Variants in CA8 observed in about 807,000 individuals in gnomAD.
CA8 encodes carbonic anhydrase-related protein.
CA8 carries 22 observed loss-of-function variants against 41.4 expected under a neutral mutation model. The ratio of observed to expected loss-of-function variants is 0.53; its 90% confidence interval spans 0.38 to 0.76. The LOEUF (loss-of-function observed/expected upper bound fraction) is 0.76, where lower values mean the gene tolerates loss of function less well. Ranked by LOEUF, CA8 falls within the 30% of genes least tolerant of loss-of-function variation. The pLI, the probability that CA8 is intolerant of heterozygous loss-of-function variation, is 0.00. For missense variants in CA8, 270 were observed against 352.8 expected (o/e 0.77, Z 1.88); for synonymous variants, 121 against 130.6 (o/e 0.93, Z 0.50).
chr8:60,201,322 A>G lies in CA8; in HGVS notation c.*35+7428T>C, dbSNP rs1585844735. 2.0e-5 allele frequency among the ~76,000 whole-genome samples: 3 copies of G among 152,336 alleles called. No homozygotes were observed. In the South Asian group the frequency reaches 6.2e-4, roughly 32 times the overall value. ...AATGAGTCATGTGTTGTTAGTGGTG[A>G]CAGGCTGTGAGAATGGATGAGTTCA... On this transcript the variant is annotated intron_variant, in intron 8 of 8. Coordinates refer to ENST00000317995, the MANE Select transcript of CA8 (RefSeq NM_004056.6).
intron 3 of CA8, among the ~76,000 whole-genome samples, chr8:60,253,508 T>G (rs942906071): frequency 2.0e-5 from 3 of 152,168 alleles, no homozygotes; most frequent in Non-Finnish European, 4.4e-5. Flanking sequence ...ACCTCTTCTT[T>G]TGCCATCCAC....
At position 60,188,985 on chromosome 8, in the gene CA8, CAAT is replaced by C. The variant is rs1296708608; in HGVS notation, c.*1033_*1035del. 1.3e-5 allele frequency: 2 copies of C among 152,046 alleles called. No individual in the cohort carries two copies. The highest frequency in any genetic ancestry group is 2.4e-5 in the African/African-American group (1 of 41,422). 9.4% of individuals were successfully genotyped at this position (152,046 alleles called of 1,614,324 possible). On this transcript the variant is annotated 3_prime_UTR_variant, in exon 9 of 9. Transcript: ENST00000317995. The stretch of plus-strand genomic sequence containing the variant: ...CATTTTACAATTATAACAACAATAA[CAAT>C]AATATTTATTGTTTGCTTTGTGCCA...
Position 60,208,789 on chromosome 8 carries a change from T to G in CA8, c.869A>C (p.Gln290Pro), listed in dbSNP as rs200111165. 41 of 1,614,178 alleles carry G rather than the reference T, an allele frequency of 2.5e-5. No individual in the cohort carries two copies. The highest frequency in any genetic ancestry group is 3.2e-5 in the Non-Finnish European group (38 of 1,180,034). Residue 290 changes from glutamine to proline, a missense_variant, in exon 8 of 9, where the codon CAG (glutamine) becomes CCG (proline). Gln to Pro is a moderately conservative substitution (Grantham distance 76). Coordinates refer to ENST00000317995, the MANE Select transcript of CA8 (RefSeq NM_004056.6). ...LSDRVIRAAFQ is the reference protein window; with the variant it reads ...LSDRVIRAAFP ...ACTTGTTCCTGTCCTCTTTGGCTAC[T>G]GAAATGCAGCTCTAATGACTCTGTC...
rs1012865656 is a variant in CA8 at position 60,253,991 on chromosome 8, C to T, written c.417+11934G>A. Among the ~76,000 whole-genome samples the T allele has an allele frequency of 4.6e-5, 7 of 152,178 alleles. No homozygotes were observed. The East Asian group carries it at 5.8e-4, about 13-fold the overall frequency. ...GAACTGTGGCCTAGATTATCTCTCA[C>T]GGTCATACCCTCAGCACCAGCCACA... is the stretch of plus-strand genomic sequence containing the variant. On this transcript the variant is annotated intron_variant, in intron 3 of 8. Coordinates refer to ENST00000317995, the MANE Select transcript of CA8 (RefSeq NM_004056.6).
intron 2 of CA8, among the ~76,000 whole-genome samples, chr8:60,274,986 T>C (rs922869501): frequency 6.6e-6 from 1 of 152,178 alleles, no homozygotes; most frequent in Admixed American, 6.5e-5. Flanking sequence ...TCAGGCATGA[T>C]GATGAGATCC....
intron 8 of CA8, among the ~76,000 whole-genome samples, chr8:60,205,053 A>T (rs1376420899): frequency 1.3e-5 from 2 of 152,208 alleles, no homozygotes; most frequent in African/African-American, 4.8e-5. Context: ...GGAAGAGTTC[A>T]ACAGTCAAGG....
intron 2 of CA8, among the ~76,000 whole-genome samples, chr8:60,272,027 G>A (rs1294541737): frequency 6.6e-6 from 1 of 152,186 alleles, no homozygotes. Context: ...ACCCTGGAAT[G>A]TGATGCTTGC....
At position 60,185,766 on chromosome 8, in the gene CA8, A is replaced by G. The variant is rs1805946724; in HGVS notation, c.*4255T>C. Among the ~76,000 whole-genome samples, 1 of 152,096 alleles carries G rather than the reference A, an allele frequency of 6.6e-6. No individual in the cohort carries two copies. The highest frequency in any genetic ancestry group is 1.5e-5 in the Non-Finnish European group (1 of 68,002). On this transcript the variant is annotated 3_prime_UTR_variant, in exon 9 of 9. Coordinates refer to ENST00000317995, the MANE Select transcript of CA8 (RefSeq NM_004056.6). ...AAACAAAAACTAAAGATTTGTCCCT[A>G]TCAGATTTGCCTTATATAAAAATAT... is the stretch of plus-strand genomic sequence containing the variant.
intron 7 of CA8, among the ~76,000 whole-genome samples, chr8:60,217,640 T>G (rs193171515): frequency 6.6e-6 from 1 of 152,198 alleles, no homozygotes; most frequent in Non-Finnish European, 1.5e-5. Context: ...ACTCTCAATA[T>G]GCAACCATAA....
At chr8:60,234,355 CAGA>C (rs1182676356) in intron 3 of CA8, among the ~76,000 whole-genome samples, 4 of 152,070 alleles carry the variant, frequency 2.6e-5, no homozygotes, top group Non-Finnish European at 4.4e-5. Flanking sequence ...GATCCCAGAA[CAGA>C]AGAAGGACAT....
chr8:60,238,933 T>G (rs554638628), intron 3 of CA8, among the ~76,000 whole-genome samples: 1 of 151,864 alleles, frequency 6.6e-6, no homozygotes, highest in East Asian at 1.9e-4. Context: ...AGATGGAGGC[T>G]GGAGATGCCA....
intron 7 of CA8, among the ~76,000 whole-genome samples, chr8:60,215,075 C>G (rs1475337005): frequency 6.6e-6 from 1 of 152,148 alleles, no homozygotes; most frequent in African/African-American, 2.4e-5. Context: ...CGTATTTGCA[C>G]AGATGGCACT....
In CA8 at chr8:60,281,081, C is replaced by T; in HGVS notation, c.67G>A (p.Glu23Lys). ...TAGCCCCACTCCACACCCTCCTCTTCTTCCTCCTCATCCTCTTCCTTCTCG... is the reference window on the plus strand; with the variant it reads ...TAGCCCCACTCCACACCCTCCTCTTTTTCCTCCTCATCCTCTTCCTTCTCG... ...FPEKEEDEEE[E>K]EEGVEWGYEE... Residue 23 changes from glutamate to lysine, a missense_variant, in exon 1 of 9, where the codon GAA (glutamate) becomes AAA (lysine). Around this residue, in one of 3 missense-constraint regions of CA8, gnomAD observed 123 missense variants for 136.8 expected, o/e 0.90. Coordinates refer to ENST00000317995, the MANE Select transcript of CA8 (RefSeq NM_004056.6). 6.2e-7 allele frequency: 1 copy of T among 1,611,014 alleles called. No individual in the cohort carries two copies. Among genetic ancestry groups the T allele is most frequent in the South Asian group, 1.1e-5 (1 of 90,778 alleles).
chr8:60,217,754 G>A (rs895384321), intron 7 of CA8, among the ~76,000 whole-genome samples: 10 of 152,132 alleles, frequency 6.6e-5, no homozygotes, highest in Non-Finnish European at 1.3e-4. Flanking sequence ...ATCCAGGGGA[G>A]GTCCAGTGAC....
Position 60,281,191 on chromosome 8 carries a change from G to C in CA8, c.-44C>G. ...CTCGGCGCTCTCGGCAGCAGTGCCT[G>C]CGCCTTCGCTGGGCGCGGGGCTGGA... is the stretch of plus-strand genomic sequence containing the variant. On this transcript the variant is annotated 5_prime_UTR_variant, in exon 1 of 9. Coordinates refer to ENST00000317995, the MANE Select transcript of CA8 (RefSeq NM_004056.6). 7.2e-7 allele frequency: 1 copy of C among 1,397,048 alleles called. No homozygotes were observed. Among genetic ancestry groups the C allele is most frequent in the Non-Finnish European group, 9.9e-7 (1 of 1,015,166 alleles). 86.5% of individuals were successfully genotyped at this position (1,397,048 alleles called of 1,614,324 possible). A position where few individuals can be genotyped will look rare whatever the true frequency, so the allele number is the denominator to read the frequency against.
chr8:60,196,480 C>T (rs375073429), intron 8 of CA8, among the ~76,000 whole-genome samples: 1 of 152,064 alleles, frequency 6.6e-6, no homozygotes, highest in African/African-American at 2.4e-5. Context: ...AAGCTGACTC[C>T]AGAGACCAAA....
chr8:60,275,264 G>A (rs553047859), intron 2 of CA8, among the ~76,000 whole-genome samples: 24 of 152,280 alleles, frequency 1.6e-4, no homozygotes, highest in African/African-American at 5.8e-4. Context: ...CTGCTTCCTA[G>A]ACTCATTCTT....
chr8:60,259,100 T>A (rs1293806855), intron 3 of CA8, among the ~76,000 whole-genome samples: 2 of 152,206 alleles, frequency 1.3e-5, no homozygotes, highest in Non-Finnish European at 1.5e-5. Flanking sequence ...TATGAAATAC[T>A]TTGGATGGAT....
intron 3 of CA8, among the ~76,000 whole-genome samples, chr8:60,262,335 C>CA (rs11424117): frequency 0.48 from 51,947 of 109,232 alleles, 10,361 homozygotes; most frequent in Middle Eastern, 0.51. Flanking sequence ...AGCAAAATGG[C>CA]AAAAAAAAAA....
Sources: gnomAD v4.1 joint callset for allele counts (sites outside exome capture counted in the v4.1 genomes callset) on GRCh38, gnomAD v4.1.1 for gene constraint, gnomAD v4.1.1 regional missense constraint, MANE v1.5 for transcripts, NCBI Gene and HGNC (gene_info 2026-07-23, HGNC 2026-07-21) for gene names.